The following HIPK3 variants were observed in gnomAD, a reference collection of about 807,000 sequenced individuals.
The protein encoded by HIPK3 is homeodomain-interacting protein kinase 3.
In HIPK3, 47 loss-of-function variants were observed where a neutral mutation model predicts 124.2. The ratio of observed to expected loss-of-function variants is 0.38; its 90% CI spans 0.30 to 0.48. The LOEUF is 0.48. Ranked by LOEUF, HIPK3 falls within the 20% of genes least tolerant of loss-of-function variation. The pLI is 0.98. For synonymous variants in HIPK3, 482 were observed against 515.2 expected (o/e 0.94, Z 0.87); for missense variants, 1,286 against 1,454.3 (o/e 0.88, Z 1.88).
rs989376645 is a variant in HIPK3 at position 33,355,424 on chromosome 11, T to C, written c.*1856T>C. The C allele has an allele frequency of 6.6e-6, 1 of 152,106 alleles. No individual in the cohort carries two copies. Among genetic ancestry groups the C allele is most frequent in the Non-Finnish European group, 1.5e-5 (1 of 67,916 alleles). The allele number at this position is 152,106 out of a possible 1,614,324, so 9.4% of individuals were successfully genotyped here. A position where few individuals can be genotyped will look rare whatever the true frequency, so the allele number is the denominator to read the frequency against. On this transcript the variant is annotated 3_prime_UTR_variant, in exon 17 of 17. Coordinates refer to ENST00000303296, the MANE Select transcript of HIPK3 (RefSeq NM_005734.5). Reference sequence around the variant, plus strand: ...GCATTGTAGACACTTGAGAAAGCTGTATCTTGCAGGCTTGACTTAACTTTT... The same window carrying C: ...GCATTGTAGACACTTGAGAAAGCTGCATCTTGCAGGCTTGACTTAACTTTT...
Position 33,307,078 on chromosome 11 carries a change from A to T in HIPK3, c.1097+19567A>T, listed in dbSNP as rs373533449. Reference sequence around the variant, plus strand: ...CCTCACATCCCCAGTGGCTGGGATTATAGGCATCCGCCACCATGCCTGGCT... The same window carrying T: ...CCTCACATCCCCAGTGGCTGGGATTTTAGGCATCCGCCACCATGCCTGGCT... On this transcript the variant is annotated intron_variant, in intron 2 of 16. Coordinates refer to ENST00000303296, the MANE Select transcript of HIPK3 (RefSeq NM_005734.5). 1.2e-4 allele frequency among the ~76,000 whole-genome samples: 18 copies of T among 151,646 alleles called. No homozygotes were observed. In the East Asian group the frequency reaches 3.3e-3, roughly 28 times the overall value.
At chr11:33,258,778 A>G in intron 1 of HIPK3, 4 of 961,288 alleles carry the variant, frequency 4.2e-6, no homozygotes, top group Non-Finnish European at 4.9e-6. Flanking sequence ...ATTACCTTGG[A>G]CTTGTTACAG....
intron 1 of HIPK3, among the ~76,000 whole-genome samples, chr11:33,273,460 G>A (rs1275357587): frequency 4.3e-5 from 1 of 23,476 alleles, no homozygotes; most frequent in Non-Finnish European, 7.4e-5. Flanking sequence ...AGTGAGCCGA[G>A]ATCACGCCAC....
chr11:33,308,522 A>G (rs1007293398), intron 2 of HIPK3, among the ~76,000 whole-genome samples: 3 of 151,958 alleles, frequency 2.0e-5, no homozygotes, highest in Non-Finnish European at 4.4e-5. Context: ...GGCTACTTTG[A>G]TAGCAATATG....
At chr11:33,329,817 C>T (rs192496328) in intron 3 of HIPK3, among the ~76,000 whole-genome samples, 2 of 152,278 alleles carry the variant, frequency 1.3e-5, no homozygotes, top group Non-Finnish European at 2.9e-5. Context: ...GAATCAGAGT[C>T]CCATAATCCT....
At chr11:33,309,527 G>C (rs1852261120) in intron 2 of HIPK3, among the ~76,000 whole-genome samples, 1 of 152,240 alleles carries the variant, frequency 6.6e-6, no homozygotes, top group South Asian at 2.1e-4. Flanking sequence ...GGAACTAATA[G>C]TAAGTGTGTG....
chr11:33,276,215 A>C (rs1403097319), intron 1 of HIPK3, among the ~76,000 whole-genome samples: 1 of 151,944 alleles, frequency 6.6e-6, no homozygotes, highest in African/African-American at 2.4e-5. Context: ...AGTTGCAGGC[A>C]TGTCCCTTTA....
chr11:33,257,675 C>T lies in HIPK3; in HGVS notation c.-217C>T. 1 of 994,322 alleles carries T rather than the reference C, an allele frequency of 1.0e-6. No individual in the cohort carries two copies. Among genetic ancestry groups the T allele is most frequent in the Non-Finnish European group, 1.2e-6 (1 of 836,560 alleles). 61.6% of individuals were successfully genotyped at this position (994,322 alleles called of 1,614,324 possible). A position where few individuals can be genotyped will look rare whatever the true frequency, so the allele number is the denominator to read the frequency against. Reference sequence around the variant, plus strand: ...CGGCGCTTAGCAGCCAGAGCAGCAGCAGCAGCAGCAGCGGTCGGGGGAGGG... The same window carrying T: ...CGGCGCTTAGCAGCCAGAGCAGCAGTAGCAGCAGCAGCGGTCGGGGGAGGG... On this transcript the variant is annotated 5_prime_UTR_variant, in exon 1 of 17. Coordinates refer to ENST00000303296, the MANE Select transcript of HIPK3 (RefSeq NM_005734.5).
intron 1 of HIPK3, among the ~76,000 whole-genome samples, chr11:33,278,843 CA>C (rs1243230680): frequency 6.9e-6 from 1 of 145,088 alleles, no homozygotes; most frequent in East Asian, 2.0e-4. Context: ...GACTCCGTCT[CA>C]AAAAAGGAAA....
chr11:33,315,672 A>G (rs576137476), intron 2 of HIPK3, among the ~76,000 whole-genome samples: 1 of 152,148 alleles, frequency 6.6e-6, no homozygotes, highest in Non-Finnish European at 1.5e-5. Flanking sequence ...CCTGACTCCT[A>G]TTTTTATAAA....
intron 2 of HIPK3, among the ~76,000 whole-genome samples, chr11:33,297,091 A>ATTTTTTT (rs34751907): frequency 7.3e-6 from 1 of 136,480 alleles, no homozygotes; most frequent in Non-Finnish European, 1.5e-5. Context: ...TATGGAAAAG[A>ATTTTTTT]TTTTTTTTTT....
intron 2 of HIPK3, among the ~76,000 whole-genome samples, chr11:33,323,523 G>A (rs1343674127): frequency 2.0e-5 from 3 of 152,178 alleles, no homozygotes; most frequent in Admixed American, 6.5e-5. Flanking sequence ...GATTACAGGC[G>A]TGAGCCACCA....
At chr11:33,316,100 G>A (rs937134287) in intron 2 of HIPK3, among the ~76,000 whole-genome samples, 1 of 152,188 alleles carries the variant, frequency 6.6e-6, no homozygotes, top group African/African-American at 2.4e-5. Flanking sequence ...GTATTCTGTA[G>A]TGATGTTATT....
intron 1 of HIPK3, among the ~76,000 whole-genome samples, chr11:33,272,359 A>C (rs1338624510): frequency 6.6e-6 from 1 of 151,948 alleles, no homozygotes. Context: ...AGATCGCGCC[A>C]CTACACTCTA....
At position 33,286,752 on chromosome 11, in the gene HIPK3, G is replaced by T; in HGVS notation, c.338G>T (p.Arg113Leu). ...HVQAPQIGAW[R>L]NRLHFLEGPQ... ...CAGGCACCTCAGATTGGGGCGTGGC[G>T]AAACAGATTGCATTTCCTAGAAGGC... Residue 113 changes from arginine to leucine, a missense_variant, in exon 2 of 17, where the codon CGA becomes CTA. By Grantham distance (102) the Arg-to-Leu change is moderately radical. This residue lies in a region of HIPK3 where 225 missense variants were observed against 240.3 expected (regional missense o/e 0.94). Coordinates refer to ENST00000303296, the MANE Select transcript of HIPK3 (RefSeq NM_005734.5). 6.2e-7 allele frequency: 1 copy of T among 1,614,028 alleles called. No homozygotes were observed. The highest frequency in any genetic ancestry group is 8.5e-7 in the Non-Finnish European group (1 of 1,180,014).
At chr11:33,318,453 T>C (rs1186723084) in intron 2 of HIPK3, among the ~76,000 whole-genome samples, 2 of 152,222 alleles carry the variant, frequency 1.3e-5, no homozygotes, top group Non-Finnish European at 2.9e-5. Flanking sequence ...GAGTTCTAAC[T>C]ATACCTCTTA....
At chr11:33,343,266 TG>T (rs1853391879) in intron 8 of HIPK3, among the ~76,000 whole-genome samples, 3 of 140,126 alleles carry the variant, frequency 2.1e-5, no homozygotes, top group East Asian at 3.9e-4. Flanking sequence ...TGTGTGTGTG[TG>T]TGTGTGTGTG....
At chr11:33,349,021 T>A in intron 13 of HIPK3, 126 bp from the exon 14 acceptor site, 1 of 980,400 alleles carries the variant, frequency 1.0e-6, no homozygotes, top group Non-Finnish European at 1.5e-6. Context: ...CTGTAAGCTT[T>A]AACTTTTTGT....
rs577255463 is a variant in HIPK3, at chr11:33,275,625, T to C, written c.-2-10788T>C. Among the ~76,000 whole-genome samples the C allele has an allele frequency of 7.9e-5, 12 of 152,346 alleles. No homozygotes were observed. The South Asian group carries it at 2.5e-3, about 32-fold the overall frequency. On this transcript the variant is annotated intron_variant, in intron 1 of 16. Coordinates refer to ENST00000303296, the MANE Select transcript of HIPK3 (RefSeq NM_005734.5). ...CATATTGTTATATAGTTCTATTTTG[T>C]AATTTCTATTTATAGAGCCTTGCAT... is the stretch of plus-strand genomic sequence containing the variant.
Sources: gnomAD v4.1 joint callset for allele counts (sites outside exome capture counted in the v4.1 genomes callset) on GRCh38, gnomAD v4.1.1 for gene constraint, gnomAD v4.1.1 regional missense constraint, MANE v1.5 for transcripts, NCBI Gene and HGNC (gene_info 2026-07-23, HGNC 2026-07-21) for gene names.